The following SYNE2 variants were observed in gnomAD, a reference collection of about 807,000 sequenced individuals.
SYNE2 encodes the protein spectrin repeat containing nuclear envelope protein 2, also known as nesprin-2.
In SYNE2, 431 loss-of-function variants were observed where a neutral mutation model predicts 856.3. That is an observed-to-expected ratio of 0.50 (90% CI 0.47 to 0.55). SYNE2 has a LOEUF of 0.55. Ranked by LOEUF, SYNE2 falls within the 20% of genes least tolerant of loss-of-function variation. The pLI, the probability that SYNE2 is intolerant of heterozygous loss-of-function variation, is 0.00. For missense variants in SYNE2, 8,129 were observed against 8,023.2 expected (o/e 1.01, Z -0.50); for synonymous variants, 2,923 against 2,872.3 (o/e 1.02, Z -0.56).
At chr14:63,911,540 G>A (rs1407016745) in intron 2 of SYNE2, among the ~76,000 whole-genome samples, 1 of 152,122 alleles carries the variant, frequency 6.6e-6, no homozygotes, top group Non-Finnish European at 1.5e-5. Context: ...AAAAATCTTT[G>A]ACAATTGAGA....
At chr14:64,216,922 C>CTT in intron 108 of SYNE2, among the ~76,000 whole-genome samples, 1 of 152,248 alleles carries the variant, frequency 6.6e-6, no homozygotes, top group Admixed American at 6.5e-5. Context: ...ATGGGGGTTT[C>CTT]ACCATGTTGG....
chr14:64,210,818 T>G lies in SYNE2; in HGVS notation c.18723+694T>G, dbSNP rs148022897. Among the ~76,000 whole-genome samples the G allele has an allele frequency of 8.5e-3, 1,298 of 152,226 alleles. 14 individuals carry two copies. Among genetic ancestry groups the G allele is most frequent in the African/African-American group, 0.03 (1,239 of 41,518 alleles). ...TCTAGAAAGATGTAAATCTGGGCTTTCTTTCTTTTCTTCCTTTCTTTTCTC... is the reference window on the plus strand; with the variant it reads ...TCTAGAAAGATGTAAATCTGGGCTTGCTTTCTTTTCTTCCTTTCTTTTCTC... On this transcript the variant is annotated intron_variant, in intron 103 of 115. Transcript: ENST00000555002.
chr14:63,805,051 A>G (rs1888306514), intron 1 of SYNE2, among the ~76,000 whole-genome samples: 1 of 152,128 alleles, frequency 6.6e-6, no homozygotes, highest in African/African-American at 2.4e-5. Flanking sequence ...AAATGATTGT[A>G]GGTGTGCAAC....
chr14:64,208,703 A>G (rs1596235995), intron 100 of SYNE2, 55 bp from the exon 101 acceptor site: 3 of 1,587,562 alleles, frequency 1.9e-6, no homozygotes, highest in South Asian at 1.1e-5. Flanking sequence ...TTTGATGCTG[A>G]CCCTCCTGCT....
At chr14:64,029,845 A>G in intron 43 of SYNE2, 50 bp from the exon 44 acceptor site, 1 of 1,576,210 alleles carries the variant, frequency 6.3e-7, no homozygotes, top group Non-Finnish European at 8.7e-7. Flanking sequence ...TTGTGAGTGA[A>G]AACAATCAGA....
At chr14:63,976,803 AAAAAG>A (rs1595990996) in intron 12 of SYNE2, 76 bp downstream of exon 12, 1 of 1,496,564 alleles carries the variant, frequency 6.7e-7, no homozygotes, top group East Asian at 2.3e-5. Context: ...ACTTTGTCCT[AAAAAG>A]AAGAGAAGGA....
At chr14:64,074,983 A>G (rs1174150010) in intron 53 of SYNE2, among the ~76,000 whole-genome samples, 1 of 152,240 alleles carries the variant, frequency 6.6e-6, no homozygotes, top group Non-Finnish European at 1.5e-5. Flanking sequence ...GTACCTCTGA[A>G]TGAAAGCCTG....
At chr14:63,831,381 T>G (rs1042771012) in intron 1 of SYNE2, among the ~76,000 whole-genome samples, 1 of 152,058 alleles carries the variant, frequency 6.6e-6, no homozygotes, top group African/African-American at 2.4e-5. Flanking sequence ...TATCTAATGT[T>G]GTAGAAGAAA....
intron 103 of SYNE2, 34 bp downstream of exon 103, chr14:64,210,158 T>A (rs775751265): frequency 6.2e-7 from 1 of 1,608,398 alleles, no homozygotes; most frequent in Admixed American, 1.7e-5. Context: ...GGGTGTAGAT[T>A]TTCCAGGAGA....
At chr14:63,865,573 G>A (rs1320834999) in intron 1 of SYNE2, among the ~76,000 whole-genome samples, 2 of 151,510 alleles carry the variant, frequency 1.3e-5, no homozygotes, top group African/African-American at 4.9e-5. Context: ...TAGTAGAGAT[G>A]GGGTTTCACC....
At chr14:64,035,836 G>A (rs1319296951) in intron 45 of SYNE2, among the ~76,000 whole-genome samples, 1 of 151,272 alleles carries the variant, frequency 6.6e-6, no homozygotes. Flanking sequence ...TAGGACTCCA[G>A]GCATGTATCA....
At chr14:63,837,035 T>C (rs1485717049) in intron 1 of SYNE2, among the ~76,000 whole-genome samples, 1 of 152,214 alleles carries the variant, frequency 6.6e-6, no homozygotes, top group East Asian at 1.9e-4. Context: ...TTTGTGTTAC[T>C]ATTATAAGTA....
intron 1 of SYNE2, among the ~76,000 whole-genome samples, chr14:63,783,319 C>T (rs1247954545): frequency 6.6e-6 from 1 of 152,160 alleles, no homozygotes; most frequent in Non-Finnish European, 1.5e-5. Flanking sequence ...TGAGGTATCT[C>T]CAGCCATGGG....
chr14:64,013,981 A>T (rs1239888494), intron 32 of SYNE2, among the ~76,000 whole-genome samples: 1 of 151,986 alleles, frequency 6.6e-6, no homozygotes, highest in Non-Finnish European at 1.5e-5. Context: ...TGTTATTGCC[A>T]TTTTCTAGCC....
chr14:64,154,188 C>T (rs1328303405), intron 85 of SYNE2, among the ~76,000 whole-genome samples: 2 of 141,884 alleles, frequency 1.4e-5, no homozygotes, highest in African/African-American at 5.1e-5. Flanking sequence ...AAAAAAGACA[C>T]AAGTATTAGA....
chr14:63,948,804 A>ATGTG lies in SYNE2; in HGVS notation c.409-1020_409-1019insGTGT, dbSNP rs1566885022. Among the ~76,000 whole-genome samples, 8 of 110,870 alleles carry ATGTG rather than the reference A, an allele frequency of 7.2e-5. 1 individual carries two copies. Among genetic ancestry groups the ATGTG allele is most frequent in the Non-Finnish European group, 1.3e-4 (7 of 53,912 alleles). 72.7% of individuals were successfully genotyped at this position (110,870 alleles called of 152,430 possible). ...TGTGTATATATATATATATATATAT[A>ATGTG]TATATATATATATATATATGTAGCT... On this transcript the variant is annotated intron_variant, in intron 6 of 115. Transcript: ENST00000555002.
intron 103 of SYNE2, among the ~76,000 whole-genome samples, chr14:64,210,400 T>G (rs541309523): frequency 6.6e-6 from 1 of 152,288 alleles, no homozygotes; most frequent in South Asian, 2.1e-4. Context: ...CGTGGTGGTG[T>G]GCATGTTAGC....
chr14:64,219,228 A>C lies in SYNE2; in HGVS notation c.19678A>C (p.Met6560Leu). 2 of 1,613,208 alleles carry C rather than the reference A, an allele frequency of 1.2e-6. No homozygotes were observed. Among genetic ancestry groups the C allele is most frequent in the African/African-American group, 1.3e-5 (1 of 74,708 alleles). Reference sequence around the variant, plus strand: ...TCCAGGTGCCTTCGACAGATGGGAGATGATTCAAGCACAGGAGCTTCACAA... The same window carrying C: ...TCCAGGTGCCTTCGACAGATGGGAGCTGATTCAAGCACAGGAGCTTCACAA... The part of the protein sequence containing the change: ...QQSGAFDRWE[M>L]IQAQELHNKL... Residue 6560 changes from methionine (M) to leucine (L), a missense_variant, in exon 110 of 116, where the codon ATG (methionine) becomes CTG (leucine). Around this residue, in one of 3 missense-constraint regions of SYNE2, gnomAD observed 5,410 missense variants for 5,284.8 expected, o/e 1.02. Transcript: ENST00000555002.
chr14:63,935,347 G>A (rs889183643), intron 2 of SYNE2, among the ~76,000 whole-genome samples: 7 of 152,030 alleles, frequency 4.6e-5, no homozygotes, highest in African/African-American at 1.7e-4. Flanking sequence ...GATTAAAAAG[G>A]AAAAAAATTC....
Sources: allele counts gnomAD v4.1 joint callset (sites outside exome capture counted in the v4.1 genomes callset), GRCh38; gene constraint gnomAD v4.1.1; regional missense constraint gnomAD v4.1.1; transcripts MANE v1.5; gene names NCBI Gene and HGNC (gene_info 2026-07-23, HGNC 2026-07-21).